Variants in NDFIP1 observed in about 807,000 individuals in gnomAD.
NDFIP1 encodes Nedd4 family interacting protein 1, also known as NEDD4 family-interacting protein 1.
NDFIP1 carries 7 observed loss-of-function variants against 28.8 expected under a neutral mutation model. That is an observed-to-expected ratio of 0.24 (90% CI 0.14 to 0.46). The LOEUF (loss-of-function observed/expected upper bound fraction) is 0.46, where lower values mean the gene tolerates loss of function less well. Among genes scored for constraint, NDFIP1 ranks in the 20% least tolerant of loss-of-function variants. The probability of loss-of-function intolerance (pLI) is 0.99; values close to 1 mark genes in which losing one functional copy is unlikely to be tolerated. For synonymous variants in NDFIP1, 92 were observed against 101.0 expected, an observed-to-expected ratio of 0.91 and a Z score of 0.53; for missense variants, 194 against 269.1, an observed-to-expected ratio of 0.72 and a Z score of 1.95.
chr5:142,132,729 C>T (rs1757239614), intron 3 of NDFIP1, among the ~76,000 whole-genome samples: 1 of 152,162 alleles, frequency 6.6e-6, no homozygotes, highest in Non-Finnish European at 1.5e-5. Context: ...GAATTAAACT[C>T]ATAAGAGGGA....
At chr5:142,137,618 A>G in intron 4 of NDFIP1, 116 bp from the exon 5 acceptor site, 1 of 1,202,694 alleles carries the variant, frequency 8.3e-7, no homozygotes, top group African/African-American at 1.5e-5. Context: ...ACGGTTGTGG[A>G]GGACAGGCTG....
chr5:142,114,882 G>T (rs1168403498), intron 1 of NDFIP1, among the ~76,000 whole-genome samples: 1 of 152,120 alleles, frequency 6.6e-6, no homozygotes, highest in African/African-American at 2.4e-5. Context: ...GATCCCATGG[G>T]TGACCACTTG....
intron 1 of NDFIP1, among the ~76,000 whole-genome samples, chr5:142,129,698 AGGCATAT>A (rs1168482256): frequency 6.6e-6 from 1 of 152,034 alleles, no homozygotes; most frequent in Non-Finnish European, 1.5e-5. Context: ...AGGCTAAGGC[AGGCATAT>A]CACCTGAGGT....
At chr5:142,115,607 A>G (rs1437195019) in intron 1 of NDFIP1, among the ~76,000 whole-genome samples, 1 of 152,184 alleles carries the variant, frequency 6.6e-6, no homozygotes, top group African/African-American at 2.4e-5. Flanking sequence ...ATAATGGACA[A>G]TTTAGATAAA....
chr5:142,138,061 A>G, intron 5 of NDFIP1: 1 of 503,420 alleles, frequency 2.0e-6, no homozygotes, highest in Non-Finnish European at 3.4e-6. Flanking sequence ...AAATCTATTG[A>G]AAACTGGTCT....
chr5:142,153,603 T>G lies in NDFIP1; in HGVS notation c.*1875T>G. On this transcript the variant is annotated 3_prime_UTR_variant, in exon 8 of 8. Transcript: ENST00000253814. The stretch of plus-strand genomic sequence containing the variant: ...GAAGGGAGTTTTATGGAAGTTTCTT[T>G]GAAGATTTTTTTTTTTCCATTTCGA... 3.3e-6 allele frequency: 1 copy of G among 301,550 alleles called. No homozygotes were observed. The highest frequency in any genetic ancestry group is 3.0e-5 in the South Asian group (1 of 33,480). 18.7% of individuals were successfully genotyped at this position (301,550 alleles called of 1,614,324 possible). A position where few individuals can be genotyped will look rare whatever the true frequency, so the allele number is the denominator to read the frequency against.
intron 1 of NDFIP1, among the ~76,000 whole-genome samples, chr5:142,112,733 C>G (rs1433587641): frequency 1.1e-4 from 17 of 150,844 alleles, no homozygotes; most frequent in African/African-American, 3.4e-4. Flanking sequence ...TTGCAGTGAG[C>G]CGAGATCGCG....
Position 142,108,861 on chromosome 5 carries a change from C to T in NDFIP1, c.-114C>T. The T allele has an allele frequency of 1.1e-6, 1 of 917,140 alleles. No individual in the cohort carries two copies. The allele number at this position is 917,140 out of a possible 1,614,324, so 56.8% of individuals were successfully genotyped here. ...CTCGCCCGGGAGCGGCGGCGGCCAT[C>T]GAGACCCACCCAAGGCGCGTCCCCC... On this transcript the variant is annotated 5_prime_UTR_variant, in exon 1 of 8. Coordinates refer to ENST00000253814, the MANE Select transcript of NDFIP1 (RefSeq NM_030571.4).
chr5:142,116,349 TCTTTCTCTCTC>T (rs1757067682), intron 1 of NDFIP1, among the ~76,000 whole-genome samples: 2 of 118,914 alleles, frequency 1.7e-5, no homozygotes, highest in African/African-American at 2.9e-5. Context: ...CTTCCTTCCT[TCTTTCTCTCTC>T]TCTCTCTCTC....
rs1254141269 is a variant in NDFIP1 at position 142,108,944 on chromosome 5, C to A, written c.-31C>A. On this transcript the variant is annotated 5_prime_UTR_variant, in exon 1 of 8. Transcript: ENST00000253814. ...CGCGCCCCTTCAGCTAGCTCGCTCG[C>A]TCGCTCTGCTTCCCTGCTGCCGGCT... 8 of 1,427,210 alleles carry A rather than the reference C, an allele frequency of 5.6e-6. No individual in the cohort carries two copies. Among genetic ancestry groups the A allele is most frequent in the Non-Finnish European group, 7.3e-6 (8 of 1,092,668 alleles). The allele number at this position is 1,427,210 out of a possible 1,614,324, so 88.4% of individuals were successfully genotyped here.
In NDFIP1 at chr5:142,137,753, G is replaced by T; in HGVS notation, c.390G>T (p.Trp130Cys). The T allele has an allele frequency of 6.2e-7, 1 of 1,614,048 alleles. No individual in the cohort carries two copies. Among genetic ancestry groups the T allele is most frequent in the Non-Finnish European group, 8.5e-7 (1 of 1,179,992 alleles). The change falls in exon 5 of 8, where the codon TGG becomes TGT. Residue 130 changes from tryptophan to cysteine, a missense_variant. Trp to Cys is a radical substitution (Grantham distance 215). Coordinates refer to ENST00000253814, the MANE Select transcript of NDFIP1 (RefSeq NM_030571.4). ...LTFFMAFLFN[W>C]IGFFLSFCLT... Reference sequence around the variant, plus strand: ...TTGCAGTGGCATTCCTCTTTAACTGGATTGGGTTTTTCCTGTCTTTTTGCC... The same window carrying T: ...TTGCAGTGGCATTCCTCTTTAACTGTATTGGGTTTTTCCTGTCTTTTTGCC...
At chr5:142,141,167 AC>A (rs1468366311) in intron 6 of NDFIP1, among the ~76,000 whole-genome samples, 3 of 102,278 alleles carry the variant, frequency 2.9e-5, no homozygotes, top group African/African-American at 1.1e-4. Context: ...AGGCAAGAGG[AC>A]TTTTTTTTTT....
chr5:142,136,583 C>A (rs568501505), intron 4 of NDFIP1, among the ~76,000 whole-genome samples: 1 of 151,280 alleles, frequency 6.6e-6, no homozygotes, highest in Non-Finnish European at 1.5e-5. Context: ...GGTGAAACCC[C>A]ATCTCTACTA....
chr5:142,136,285 G>T (rs1287904635), intron 4 of NDFIP1, among the ~76,000 whole-genome samples: 1 of 152,042 alleles, frequency 6.6e-6, no homozygotes. Context: ...TCCTTTATTT[G>T]TTGTATTAGA....
At chr5:142,138,940 G>A (rs1406361625) in intron 5 of NDFIP1, among the ~76,000 whole-genome samples, 3 of 150,236 alleles carry the variant, frequency 2.0e-5, no homozygotes, top group Non-Finnish European at 4.4e-5. Context: ...CAAATGGGCC[G>A]GGTGCGGTGG....
intron 5 of NDFIP1, among the ~76,000 whole-genome samples, chr5:142,138,902 A>G (rs1380847589): frequency 6.6e-5 from 10 of 151,428 alleles, no homozygotes; most frequent in Admixed American, 3.9e-4. Flanking sequence ...TTTCAAACTA[A>G]ATTTTCAACT....
In NDFIP1 at chr5:142,109,007, C is replaced by T. The variant is rs746728853; in HGVS notation, c.33C>T (p.Val11=). 9 of 1,441,228 alleles carry T rather than the reference C, an allele frequency of 6.2e-6. No homozygotes were observed. The African/African-American group carries it at 8.9e-5, about 14-fold the overall frequency. The allele number at this position is 1,441,228 out of a possible 1,614,324, so 89.3% of individuals were successfully genotyped here. A position where few individuals can be genotyped will look rare whatever the true frequency, so the allele number is the denominator to read the frequency against. ...TGGCGTTGGCGGCGCTGGCGGCGGT[C>T]GAGCCGGCCTGCGGCAGCCGGTACC... is the stretch of plus-strand genomic sequence containing the variant. The part of the protein sequence containing the change: MALALAALAA[V]EPACGSRYQQ... Residue 11 remains valine (V), a synonymous_variant, in exon 1 of 8, where the codon GTC becomes GTT. Transcript: ENST00000253814.
chr5:142,134,038 T>G (rs889863118), intron 3 of NDFIP1: 1 of 152,252 alleles, frequency 6.6e-6, no homozygotes, highest in African/African-American at 2.4e-5. Context: ...ATGTAGTAAT[T>G]GGCTTTGTAT....
chr5:142,130,025 T>A (rs1221422331), intron 1 of NDFIP1, among the ~76,000 whole-genome samples: 2 of 152,262 alleles, frequency 1.3e-5, no homozygotes, highest in Non-Finnish European at 2.9e-5. Flanking sequence ...ATAGAGTTCT[T>A]TGTAGCGGTA....
Sources: gnomAD v4.1 joint callset for allele counts (sites outside exome capture counted in the v4.1 genomes callset) on GRCh38, gnomAD v4.1.1 for gene constraint, MANE v1.5 for transcripts, NCBI Gene and HGNC (gene_info 2026-07-23, HGNC 2026-07-21) for gene names.